Variants in SLC12A6 observed in about 807,000 individuals in gnomAD.
The protein encoded by SLC12A6 is K-Cl cotransporter 3.
A neutral mutation model predicts 135.3 loss-of-function variants in SLC12A6; 66 were observed. The ratio of observed to expected loss-of-function variants is 0.49; its 90% confidence interval spans 0.40 to 0.60. The LOEUF is 0.60. Among genes scored for constraint, SLC12A6 ranks in the 20% least tolerant of loss-of-function variants. The pLI is 0.00. For synonymous variants in SLC12A6, 513 were observed against 508.8 expected (o/e 1.01, Z -0.11); for missense variants, 1,058 against 1,452.3 (o/e 0.73, Z 4.41).
chr15:34,249,857 G>C (rs1481300378), intron 13 of SLC12A6, among the ~76,000 whole-genome samples: 4 of 152,066 alleles, frequency 2.6e-5, no homozygotes, highest in Admixed American at 2.6e-4. Context: ...GGCCCCTTTG[G>C]GAACTACATT....
chr15:34,255,483 T>G (rs1892685340), intron 7 of SLC12A6, 91 bp from the exon 8 acceptor site: 1 of 921,760 alleles, frequency 1.1e-6, no homozygotes, highest in African/African-American at 1.6e-5. Context: ...AATATATACA[T>G]AAAGGTTAAA....
Position 34,245,367 on chromosome 15 carries a change from A to G in SLC12A6, c.1861T>C (p.Trp621Arg). ...ATGGCAGCAGTTAGAAGTAAAGCCC[A>G]GGTAGGTTCCCCATTGGCTTTGCTG... is the stretch of plus-strand genomic sequence containing the variant. ...GHSKANGEPTWALLLTAAIAE... is the reference protein window; with the variant it reads ...GHSKANGEPTRALLLTAAIAE... The change falls in exon 15 of 26, where the codon TGG (tryptophan) becomes CGG (arginine). Residue 621 changes from tryptophan to arginine, a missense_variant. Around this residue, in one of 6 missense-constraint regions of SLC12A6, gnomAD observed 170 missense variants for 297.6 expected, o/e 0.57. Transcript: ENST00000354181. 1 of 1,613,408 alleles carries G rather than the reference A, an allele frequency of 6.2e-7. No homozygotes were observed. The highest frequency in any genetic ancestry group is 8.5e-7 in the Non-Finnish European group (1 of 1,179,290).
chr15:34,246,018 C>T (rs1206565518), intron 13 of SLC12A6, 151 bp from the exon 14 acceptor site: 8 of 713,258 alleles, frequency 1.1e-5, no homozygotes, highest in East Asian at 5.4e-5. Flanking sequence ...CTCCAAACTC[C>T]GCCCCCCAAG....
rs1893578474 is a variant in SLC12A6 at position 34,267,131 on chromosome 15, C to T, written c.317-6111G>A. ...ATTGTTAAATAAGTTTAAACAATTG[C>T]TTGACATCCTCCTGAACAACACGAA... On this transcript the variant is annotated intron_variant, in intron 3 of 25. Coordinates refer to ENST00000354181, the MANE Select transcript of SLC12A6 (RefSeq NM_001365088.1). Among the ~76,000 whole-genome samples the T allele has an allele frequency of 2.6e-5, 4 of 151,918 alleles. No individual in the cohort carries two copies. The South Asian group carries it at 8.3e-4, about 32-fold the overall frequency.
At chr15:34,336,196 T>G (rs1890182832) in intron 2 of SLC12A6, among the ~76,000 whole-genome samples, 1 of 152,182 alleles carries the variant, frequency 6.6e-6, no homozygotes, top group Non-Finnish European at 1.5e-5. Context: ...CCTTCCTTCT[T>G]GTCATACACC....
rs149189969 is a variant in SLC12A6, at chr15:34,266,140, G to A, written c.317-5120C>T. On this transcript the variant is annotated intron_variant, in intron 3 of 25. Coordinates refer to ENST00000354181, the MANE Select transcript of SLC12A6 (RefSeq NM_001365088.1). ...ATGTAAATAGACTAAGACAAAGATTGACAGACTGGATTAAACAATAAAATC... is the reference window on the plus strand; with the variant it reads ...ATGTAAATAGACTAAGACAAAGATTAACAGACTGGATTAAACAATAAAATC... 9.9e-3 allele frequency among the ~76,000 whole-genome samples: 1,488 copies of A among 150,200 alleles called. 30 individuals are homozygous for A. The highest frequency in any genetic ancestry group is 0.035 in the African/African-American group (1,422 of 40,860).
intron 13 of SLC12A6, among the ~76,000 whole-genome samples, chr15:34,248,263 C>G (rs976190133): frequency 5.9e-5 from 9 of 151,970 alleles, no homozygotes; most frequent in African/African-American, 1.9e-4. Context: ...GAAAATGAAG[C>G]AGGCAAAAAT....
intron 4 of SLC12A6, 150 bp downstream of exon 4, chr15:34,260,776 C>T (rs1265710926): frequency 3.3e-6 from 2 of 605,650 alleles, no homozygotes; most frequent in Admixed American, 2.8e-5. Flanking sequence ...ATTACACAGA[C>T]AAAATTTACT....
intron 2 of SLC12A6, among the ~76,000 whole-genome samples, chr15:34,287,737 AGCATTT>A (rs1895201766): frequency 1.3e-5 from 2 of 152,190 alleles, no homozygotes; most frequent in African/African-American, 4.8e-5. Context: ...AGTGATGATG[AGCATTT>A]TTTCATATGT....
intron 13 of SLC12A6, among the ~76,000 whole-genome samples, chr15:34,247,281 G>A (rs957373154): frequency 1.1e-4 from 16 of 152,174 alleles, no homozygotes; most frequent in African/African-American, 3.1e-4. Flanking sequence ...ACTTTGGGAG[G>A]CCGAGGCGGG....
At chr15:34,280,559 G>A (rs1412094713) in intron 2 of SLC12A6, among the ~76,000 whole-genome samples, 1 of 152,164 alleles carries the variant, frequency 6.6e-6, no homozygotes, top group Non-Finnish European at 1.5e-5. Flanking sequence ...AGTTAAAGAT[G>A]GAACTGAATT....
At chr15:34,282,728 T>C (rs1381772540) in intron 2 of SLC12A6, among the ~76,000 whole-genome samples, 1 of 152,208 alleles carries the variant, frequency 6.6e-6, no homozygotes, top group Admixed American at 6.5e-5. Flanking sequence ...CACTCACTCA[T>C]TCATTCACTC....
At chr15:34,274,039 C>CT (rs1894135989) in intron 3 of SLC12A6, among the ~76,000 whole-genome samples, 1 of 152,046 alleles carries the variant, frequency 6.6e-6, no homozygotes, top group Non-Finnish European at 1.5e-5. Flanking sequence ...ATATATCTAT[C>CT]TTATATACTG....
At chr15:34,333,399 T>C (rs1245332924) in intron 2 of SLC12A6, among the ~76,000 whole-genome samples, 1 of 151,902 alleles carries the variant, frequency 6.6e-6, no homozygotes, top group African/African-American at 2.4e-5. Context: ...CTGGCTAATT[T>C]TTTGTATTTT....
At chr15:34,303,625 C>T (rs140954376) in intron 2 of SLC12A6, among the ~76,000 whole-genome samples, 1,817 of 152,254 alleles carry the variant, frequency 0.012, 15 homozygotes, top group Middle Eastern at 0.037. Flanking sequence ...TGCAACATCA[C>T]TGGGAGGTGG....
chr15:34,326,474 A>C (rs931562086), intron 2 of SLC12A6, among the ~76,000 whole-genome samples: 10 of 152,156 alleles, frequency 6.6e-5, no homozygotes, highest in African/African-American at 2.4e-4. Flanking sequence ...TCCAAAACAA[A>C]ATTTTTTAGA....
chr15:34,249,830 T>C (rs367869943), intron 13 of SLC12A6, among the ~76,000 whole-genome samples: 2 of 147,056 alleles, frequency 1.4e-5, no homozygotes, highest in African/African-American at 4.9e-5. Flanking sequence ...CTGTCTCATA[T>C]ATTCACTGAA....
chr15:34,288,715 G>C (rs1489607153), intron 2 of SLC12A6, among the ~76,000 whole-genome samples: 1 of 152,132 alleles, frequency 6.6e-6, no homozygotes, highest in Non-Finnish European at 1.5e-5. Context: ...TTGTAAGTTG[G>C]ATTCCTAGGT....
intron 6 of SLC12A6, among the ~76,000 whole-genome samples, chr15:34,256,899 G>C (rs898491280): frequency 2.0e-5 from 3 of 152,178 alleles, no homozygotes; most frequent in Non-Finnish European, 2.9e-5. Flanking sequence ...TAGCTGATTA[G>C]ATGTGAAAAG....
Sources: allele counts gnomAD v4.1 joint callset (sites outside exome capture counted in the v4.1 genomes callset), GRCh38; gene constraint gnomAD v4.1.1; regional missense constraint gnomAD v4.1.1; transcripts MANE v1.5; gene names NCBI Gene and HGNC (gene_info 2026-07-23, HGNC 2026-07-21).